USH2A: variants seen among roughly 807,000 people sequenced by gnomAD.
USH2A encodes usherin, also known as Usher syndrome 2A (autosomal recessive, mild).
USH2A carries 443 observed loss-of-function variants against 538.9 expected under a neutral mutation model. The observed-to-expected ratio is 0.82, with a 90% CI of 0.76 to 0.89. USH2A has a LOEUF of 0.89. USH2A is among the 40% of genes least tolerant of loss of function. The pLI, the probability that USH2A is intolerant of heterozygous loss-of-function variation, is 0.00. For missense variants in USH2A, 6,633 were observed against 6,324.8 expected (o/e 1.05, Z -1.65); for synonymous variants, 2,413 against 2,273.5 (o/e 1.06, Z -1.75).
intron 36 of USH2A, among the ~76,000 whole-genome samples, chr1:215,968,923 A>G (rs1667425950): frequency 6.6e-6 from 1 of 152,192 alleles, no homozygotes; most frequent in South Asian, 2.1e-4. Flanking sequence ...GCCTTTTAAG[A>G]TTGATTCATA....
intron 61 of USH2A, among the ~76,000 whole-genome samples, chr1:215,715,884 T>C (rs1369079518): frequency 6.6e-6 from 1 of 152,200 alleles, no homozygotes; most frequent in Non-Finnish European, 1.5e-5. Context: ...GCCTGGCAAT[T>C]TTCTTGCTGA....
At chr1:216,292,674 A>G (rs1213744358) in intron 9 of USH2A, among the ~76,000 whole-genome samples, 2 of 152,146 alleles carry the variant, frequency 1.3e-5, no homozygotes, top group African/African-American at 2.4e-5. Flanking sequence ...ATGTTTTGAA[A>G]AAGAGATACA....
At chr1:215,942,302 GCAAGACAGGTTA>G (rs1460269928) in intron 37 of USH2A, among the ~76,000 whole-genome samples, 1 of 152,076 alleles carries the variant, frequency 6.6e-6, no homozygotes, top group Non-Finnish European at 1.5e-5. Flanking sequence ...GAGTCTTCTA[GCAAGACAGGTTA>G]CAATCTTATG....
rs548589195 is a variant in USH2A at position 216,058,779 on chromosome 1, A to T, written c.6050-10132T>A. ...TACTCAGTCCAACTCAGCACAAAAA[A>T]ATATTAACATTAGGTTAACTATGGG... On this transcript the variant is annotated intron_variant, in intron 30 of 71. Transcript: ENST00000307340. Among the ~76,000 whole-genome samples, 4 of 152,310 alleles carry T rather than the reference A, an allele frequency of 2.6e-5. No homozygotes were observed. The South Asian group carries it at 8.3e-4, about 32-fold the overall frequency.
intron 21 of USH2A, among the ~76,000 whole-genome samples, chr1:216,137,678 T>G (rs2033513192): frequency 6.6e-6 from 1 of 152,140 alleles, no homozygotes; most frequent in Non-Finnish European, 1.5e-5. Flanking sequence ...CTGCTTATAT[T>G]CTAGCCAAAC....
chr1:216,145,330 T>C (rs1426339261), intron 21 of USH2A, among the ~76,000 whole-genome samples: 1 of 152,174 alleles, frequency 6.6e-6, no homozygotes, highest in Non-Finnish European at 1.5e-5. Context: ...GAGGTAGCCA[T>C]GTGTCTCTCC....
chr1:215,937,863 G>C, intron 37 of USH2A, among the ~76,000 whole-genome samples: 1 of 151,986 alleles, frequency 6.6e-6, no homozygotes, highest in Non-Finnish European at 1.5e-5. Flanking sequence ...TATAATATTG[G>C]TGAAGTTTTT....
chr1:216,232,485 G>C (rs2035719556), intron 13 of USH2A, among the ~76,000 whole-genome samples: 2 of 152,100 alleles, frequency 1.3e-5, no homozygotes. Flanking sequence ...AGGTACCTTT[G>C]GTAGGGCAGA....
intron 61 of USH2A, among the ~76,000 whole-genome samples, chr1:215,702,242 G>T (rs1218687601): frequency 6.6e-6 from 1 of 152,074 alleles, no homozygotes; most frequent in African/African-American, 2.4e-5. Context: ...GTCTCTGGCT[G>T]CCCTTAACAT....
At chr1:216,031,886 AT>A (rs1669136466) in intron 32 of USH2A, among the ~76,000 whole-genome samples, 1 of 152,070 alleles carries the variant, frequency 6.6e-6, no homozygotes, top group Admixed American at 6.6e-5. Flanking sequence ...CATGGTCCTT[AT>A]GTTTGCCTGT....
At chr1:215,777,531 TG>T (rs1661499979) in intron 55 of USH2A, among the ~76,000 whole-genome samples, 1 of 152,250 alleles carries the variant, frequency 6.6e-6, no homozygotes, top group African/African-American at 2.4e-5. Flanking sequence ...TGCCTAAACT[TG>T]CTTTTCAAAA....
In USH2A at chr1:216,208,178, CT is replaced by C. The variant is rs199537810; in HGVS notation, c.3158-748del. Among the ~76,000 whole-genome samples, 918 of 151,824 alleles carry C rather than the reference CT, an allele frequency of 6.0e-3. 6 individuals are homozygous for C. The highest frequency in any genetic ancestry group is 0.021 in the African/African-American group (867 of 41,402). ...CTCCCTGCTTTTGAGAGTGAATTTT[CT>C]TTTTTTTCACCAGAATACGCAAAGA... On this transcript the variant is annotated intron_variant, in intron 15 of 71. Transcript: ENST00000307340.
chr1:216,013,439 T>C (rs1668626481), intron 32 of USH2A, among the ~76,000 whole-genome samples: 1 of 151,874 alleles, frequency 6.6e-6, no homozygotes, highest in Non-Finnish European at 1.5e-5. Flanking sequence ...ATTTTTCTTA[T>C]TAATATAAGA....
At chr1:216,043,771 T>C (rs1389885641) in intron 32 of USH2A, among the ~76,000 whole-genome samples, 2 of 152,124 alleles carry the variant, frequency 1.3e-5, no homozygotes, top group Non-Finnish European at 2.9e-5. Flanking sequence ...CATATGGAGT[T>C]CTGTACATTT....
chr1:215,796,980 A>G (rs1295150160), intron 50 of USH2A, among the ~76,000 whole-genome samples: 1 of 152,214 alleles, frequency 6.6e-6, no homozygotes, highest in Non-Finnish European at 1.5e-5. Context: ...GAATGATGAC[A>G]AATCTTGTGG....
At chr1:216,254,578 TG>T (rs562444123) in intron 11 of USH2A, among the ~76,000 whole-genome samples, 174 of 152,348 alleles carry the variant, frequency 1.1e-3, no homozygotes, top group African/African-American at 4.0e-3. Context: ...TCTTTCTTGC[TG>T]GGCTTGGAAC....
intron 43 of USH2A, among the ~76,000 whole-genome samples, chr1:215,874,752 TA>T (rs1375374363): frequency 3.3e-5 from 5 of 152,212 alleles, no homozygotes; most frequent in Admixed American, 1.3e-4. Flanking sequence ...GTCAAGATGG[TA>T]AGAAACACTT....
At chr1:216,352,239 T>A (rs1012031744) in intron 4 of USH2A, among the ~76,000 whole-genome samples, 1 of 151,988 alleles carries the variant, frequency 6.6e-6, no homozygotes, top group South Asian at 2.1e-4. Flanking sequence ...TCTTAAGGCT[T>A]GGGGTACCAA....
chr1:215,968,748 A>C (rs1406859976), intron 36 of USH2A, among the ~76,000 whole-genome samples: 1 of 152,206 alleles, frequency 6.6e-6, no homozygotes, highest in Non-Finnish European at 1.5e-5. Flanking sequence ...CAAAATATTT[A>C]AAAATAGAAA....
Sources: gnomAD v4.1 joint callset for allele counts (sites outside exome capture counted in the v4.1 genomes callset) on GRCh38, gnomAD v4.1.1 for gene constraint, MANE v1.5 for transcripts, NCBI Gene and HGNC (gene_info 2026-07-23, HGNC 2026-07-21) for gene names.